KLHL30: variants seen among roughly 807,000 people sequenced by gnomAD.
KLHL30 encodes kelch like family member 30.
A neutral mutation model predicts 55.0 loss-of-function variants in KLHL30; 55 were observed. The observed-to-expected ratio is 1.00, with a 90% confidence interval of 0.80 to 1.25. The LOEUF (loss-of-function observed/expected upper bound fraction) is 1.25. Ranked by LOEUF, KLHL30 falls within the 50% of genes most tolerant of loss-of-function variation. KLHL30 has a pLI of 0.00. For missense variants in KLHL30, 786 were observed against 811.6 expected (o/e 0.97, Z 0.38); for synonymous variants, 356 against 372.6 (o/e 0.96, Z 0.51).
Position 238,144,920 on chromosome 2 carries a change from C to T in KLHL30, c.926C>T (p.Pro309Leu), listed in dbSNP as rs919895098. The T allele has an allele frequency of 1.2e-6, 2 of 1,611,064 alleles. No individual in the cohort carries two copies. The highest frequency in any genetic ancestry group is 1.7e-6 in the Non-Finnish European group (2 of 1,178,760). The part of the protein sequence containing the change: ...NSKAKRWMAL[P>L]DFPDYHKWGF... ...CTGCCAGAGAGGTGGATGGCACTTC[C>T]AGACTTCCCCGACTATCACAAGTGG... Residue 309 changes from proline (P) to leucine (L), a missense_variant, in exon 4 of 8, where the codon CCA becomes CTA. By Grantham distance (98) the Pro-to-Leu change is moderately conservative. Transcript: ENST00000409223.
chr2:238,149,980 C>G (rs935810263), intron 7 of KLHL30, among the ~76,000 whole-genome samples: 2 of 152,192 alleles, frequency 1.3e-5, no homozygotes, highest in Non-Finnish European at 2.9e-5. Context: ...AGCCCCCCTG[C>G]AGGCTGCTGG....
chr2:238,142,804 A>G lies in KLHL30; in HGVS notation c.780A>G (p.Pro260=). The G allele has an allele frequency of 1.4e-6, 2 of 1,402,658 alleles. No individual in the cohort carries two copies. Among genetic ancestry groups the G allele is most frequent in the South Asian group, 3.5e-5 (2 of 56,462 alleles). The allele number at this position is 1,402,658 out of a possible 1,614,324, so 86.9% of individuals were successfully genotyped here. A position where few individuals can be genotyped will look rare whatever the true frequency, so the allele number is the denominator to read the frequency against. Residue 260 remains proline, a synonymous_variant, in exon 3 of 8, where the codon CCA becomes CCG. Coordinates refer to ENST00000409223, the MANE Select transcript of KLHL30 (RefSeq NM_198582.4). ...CCTGGCCTCCCACCCCACAGGCACCACTCGCCCTCCAGCAGAAGCTGGAGG... is the reference window on the plus strand; with the variant it reads ...CCTGGCCTCCCACCCCACAGGCACCGCTCGCCCTCCAGCAGAAGCTGGAGG... ...AALSQGHDGA[P]LALQQKLEEV...
intron 4 of KLHL30, 71 bp from the exon 5 acceptor site, chr2:238,145,606 T>C: frequency 6.6e-7 from 1 of 1,516,954 alleles, no homozygotes; most frequent in Non-Finnish European, 8.9e-7. Flanking sequence ...TCCCTGGACA[T>C]TGGTATCCAC....
rs752817820 is a variant in KLHL30 at position 238,145,679 on chromosome 2, G to A, written c.997G>A (p.Gly333Ser). The change falls in exon 5 of 8, where the codon GGC becomes AGC. Residue 333 changes from glycine (G) to serine (S), a missense_variant and splice_region_variant. Gly to Ser is a moderately conservative substitution (Grantham distance 56, BLOSUM62 0). Transcript: ENST00000409223. ...GTAGACAGAACTTCTCCCGGCAGGT[G>A]GCTCTCGGGGCACAAAGACAGACAC... ...ALNNNIYVTG[G>S]SRGTKTDTWS... 3.2e-6 allele frequency: 5 copies of A among 1,575,352 alleles called. No homozygotes were observed. The East Asian group carries it at 9.4e-5, about 30-fold the overall frequency.
At chr2:238,149,560 G>A (rs1692715395) in intron 7 of KLHL30, among the ~76,000 whole-genome samples, 1 of 152,198 alleles carries the variant, frequency 6.6e-6, no homozygotes, top group Admixed American at 6.5e-5. Flanking sequence ...GCCGGCCACT[G>A]GTGCTCTGTC....
chr2:238,149,209 G>T (rs898638201), intron 7 of KLHL30, 57 bp downstream of exon 7: 218 of 1,599,314 alleles, frequency 1.4e-4, no homozygotes, highest in Non-Finnish European at 1.8e-4. Context: ...CCTGACATCA[G>T]AGAGCCAGCC....
chr2:238,148,213 A>G (rs1183387546), intron 6 of KLHL30, among the ~76,000 whole-genome samples, 191 bp downstream of exon 6: 2 of 150,372 alleles, frequency 1.3e-5, no homozygotes, highest in African/African-American at 2.5e-5. Flanking sequence ...GAGGTCAGGG[A>G]CCCACTGCGT....
At position 238,143,463 on chromosome 2, in the gene KLHL30, C is replaced by T. The variant is rs191940520; in HGVS notation, c.907+532C>T. On this transcript the variant is annotated intron_variant, in intron 3 of 7. Coordinates refer to ENST00000409223, the MANE Select transcript of KLHL30 (RefSeq NM_198582.4). ...GCTTCCTCATCTGTGAAATGGGCTCCTGCTGCTTCCTCACACAGTTGTAGG... is the reference window on the plus strand; with the variant it reads ...GCTTCCTCATCTGTGAAATGGGCTCTTGCTGCTTCCTCACACAGTTGTAGG... 2.2e-4 allele frequency among the ~76,000 whole-genome samples: 34 copies of T among 152,376 alleles called. No homozygotes were observed. In the East Asian group the frequency reaches 6.0e-3, roughly 27 times the overall value.
intron 3 of KLHL30, among the ~76,000 whole-genome samples, chr2:238,144,444 C>A (rs867177488): frequency 0.072 from 6,976 of 97,462 alleles, 245 homozygotes; most frequent in South Asian, 0.12. Context: ...GGCAGGCAGG[C>A]AGGCAGGCAG....
intron 1 of KLHL30, among the ~76,000 whole-genome samples, chr2:238,139,227 C>T (rs935258672): frequency 3.9e-5 from 6 of 152,202 alleles, no homozygotes; most frequent in Admixed American, 2.6e-4. Context: ...GCCCATCGCC[C>T]GGCAGCAGCT....
chr2:238,150,138 C>G (rs1407628172), intron 7 of KLHL30, among the ~76,000 whole-genome samples: 1 of 152,200 alleles, frequency 6.6e-6, no homozygotes, highest in Non-Finnish European at 1.5e-5. Context: ...GCCCTCCCAG[C>G]TGGGCCACAG....
rs764436953 is a variant in KLHL30, at chr2:238,142,890, C to T, written c.866C>T (p.Thr289Ile). 2.1e-5 allele frequency: 32 copies of T among 1,494,844 alleles called. No homozygotes were observed. The highest frequency in any genetic ancestry group is 1.7e-4 in the South Asian group (12 of 71,942). 92.6% of individuals were successfully genotyped at this position (1,494,844 alleles called of 1,614,324 possible). Residue 289 changes from threonine (T) to isoleucine (I), a missense_variant, in exon 3 of 8, where the codon ACC becomes ATC. By Grantham distance (89) the Thr-to-Ile change is moderately conservative (BLOSUM62 -1). Transcript: ENST00000409223. ...LEEEEAGEEP[T>I]PGLGNFAFYN... ...GAGGAGGAGGCAGGTGAGGAGCCCA[C>T]CCCCGGCCTTGGGAACTTTGCCTTC... is the stretch of plus-strand genomic sequence containing the variant.
chr2:238,145,704 C>A lies in KLHL30; in HGVS notation c.1022C>A (p.Thr341Asn), dbSNP rs1216361597. ...TGGSRGTKTD[T>N]WSTTQAWCFP... ...GGCTCTCGGGGCACAAAGACAGACA[C>A]CTGGTCAACCACCCAGGCCTGGTGC... The change falls in exon 5 of 8, where the codon ACC (threonine) becomes AAC (asparagine). Residue 341 changes from threonine (T) to asparagine (N), a missense_variant. Coordinates refer to ENST00000409223, the MANE Select transcript of KLHL30 (RefSeq NM_198582.4). The A allele has an allele frequency of 6.3e-7, 1 of 1,585,920 alleles. No individual in the cohort carries two copies. The highest frequency in any genetic ancestry group is 2.3e-5 in the East Asian group (1 of 43,222).
chr2:238,149,336 G>A (rs1692709149), intron 7 of KLHL30, among the ~76,000 whole-genome samples, 184 bp downstream of exon 7: 1 of 145,882 alleles, frequency 6.9e-6, no homozygotes, highest in South Asian at 2.2e-4. Context: ...TGCCCACAGA[G>A]GGCCCACAGT....
chr2:238,140,761 C>G lies in KLHL30; in HGVS notation c.7C>G (p.Arg3Gly). The stretch of plus-strand genomic sequence containing the variant: ...GTCCCCTGGGCACGGCGTCATGGTG[C>G]GGAACGTGGATGACCTGGATTTCCA... MV[R>G]NVDDLDFHLP... The change falls in exon 2 of 8, where the codon CGG becomes GGG. Residue 3 changes from arginine to glycine, a missense_variant. By Grantham distance (125) the Arg-to-Gly change is moderately radical (BLOSUM62 -2). Coordinates refer to ENST00000409223, the MANE Select transcript of KLHL30 (RefSeq NM_198582.4). 1 of 1,521,960 alleles carries G rather than the reference C, an allele frequency of 6.6e-7. No homozygotes were observed. The allele number at this position is 1,521,960 out of a possible 1,614,324, so 94.3% of individuals were successfully genotyped here.
intron 3 of KLHL30, among the ~76,000 whole-genome samples, chr2:238,144,432 A>AAGGCAGGCAGGCAGGCAGGC (rs1165549782): frequency 2.8e-3 from 228 of 82,418 alleles, no homozygotes; most frequent in African/African-American, 8.5e-3. Context: ...GGAAGGAAGG[A>AAGGCAGGCAGGCAGGCAGGC]AGGCAGGCAG....
In KLHL30 at chr2:238,142,847, G is replaced by T; in HGVS notation, c.823G>T (p.Gly275Cys). ...GCTGGAGGAGGTCCTGGTGGTGGTG[G>T]GCGGGCAGGCGCTGGAGGAGGAGGA... is the stretch of plus-strand genomic sequence containing the variant. Reference protein sequence around the residue: ...QKLEEVLVVVGGQALEEEEAG... With the variant: ...QKLEEVLVVVCGQALEEEEAG... The change falls in exon 3 of 8, where the codon GGC (glycine) becomes TGC (cysteine). Residue 275 changes from glycine (G) to cysteine (C), a missense_variant. Coordinates refer to ENST00000409223, the MANE Select transcript of KLHL30 (RefSeq NM_198582.4). 1 of 1,460,386 alleles carries T rather than the reference G, an allele frequency of 6.8e-7. No homozygotes were observed. The allele number at this position is 1,460,386 out of a possible 1,614,324, so 90.5% of individuals were successfully genotyped here.
chr2:238,143,085 G>A (rs948280881), intron 3 of KLHL30, among the ~76,000 whole-genome samples, 154 bp downstream of exon 3: 1 of 152,234 alleles, frequency 6.6e-6, no homozygotes. Flanking sequence ...GGCCTCACCT[G>A]GGGGCTGCAG....
chr2:238,149,281 G>A (rs1195952929), intron 7 of KLHL30, 129 bp downstream of exon 7: 1 of 1,308,828 alleles, frequency 7.6e-7, no homozygotes, highest in East Asian at 2.5e-5. Flanking sequence ...GCAGGCTGGG[G>A]TGCCCACAGA....
Sources: gnomAD v4.1 joint callset for allele counts (sites outside exome capture counted in the v4.1 genomes callset) on GRCh38, gnomAD v4.1.1 for gene constraint, MANE v1.5 for transcripts, NCBI Gene and HGNC (gene_info 2026-07-23, HGNC 2026-07-21) for gene names.